The following NR2F6 variants were observed in gnomAD, a reference collection of about 807,000 sequenced individuals.
NR2F6 encodes the protein nuclear receptor subfamily 2 group F member 6.
A neutral mutation model predicts 26.5 loss-of-function variants in NR2F6; 16 were observed. That is an observed-to-expected ratio of 0.60 (90% CI 0.41 to 0.92). NR2F6 has a LOEUF of 0.92. Ranked by LOEUF, NR2F6 falls within the 40% of genes least tolerant of loss-of-function variation. The pLI is 0.00. For missense variants in NR2F6, 536 were observed against 631.7 expected, an observed-to-expected ratio of 0.85 and a Z score of 1.62; for synonymous variants, 325 against 305.0, an observed-to-expected ratio of 1.07 and a Z score of -0.68.
intron 2 of NR2F6, among the ~76,000 whole-genome samples, 190 bp from the exon 3 acceptor site, chr19:17,236,255 G>GGGGAA (rs373228065): frequency 0.29 from 35,952 of 124,206 alleles, 6,415 homozygotes; most frequent in African/African-American, 0.44. Flanking sequence ...CCGGAAGAGG[G>GGGGAA]GGGATGAGGG....
At chr19:17,240,086 C>A (rs1045091050) in intron 2 of NR2F6, among the ~76,000 whole-genome samples, 1 of 152,236 alleles carries the variant, frequency 6.6e-6, no homozygotes, top group Non-Finnish European at 1.5e-5. Context: ...GCCCGTCCAC[C>A]TGGGTCCCCT....
rs920956448 is a variant in NR2F6, at chr19:17,245,623, C to T, written c.-403G>A. ...GGGGGCTGCGGCCAACTCAGCGGGCCGCCATCCGAGCGCGGGAGGCCGGGG... is the reference window on the plus strand; with the variant it reads ...GGGGGCTGCGGCCAACTCAGCGGGCTGCCATCCGAGCGCGGGAGGCCGGGG... On this transcript the variant is annotated 5_prime_UTR_variant, in exon 1 of 4. Transcript: ENST00000291442. The surrounding 1 kb of genome is among the most constrained non-coding windows in gnomAD (Gnocchi z 5.0). 62 of 146,358 alleles carry T rather than the reference C, an allele frequency of 4.2e-4. No homozygotes were observed. Among genetic ancestry groups the T allele is most frequent in the African/African-American group, 1.4e-3 (56 of 40,846 alleles). The allele number at this position is 146,358 out of a possible 1,614,324, so 9.1% of individuals were successfully genotyped here.
intron 3 of NR2F6, among the ~76,000 whole-genome samples, chr19:17,233,311 CAAACAAAACA>C (rs143909942): frequency 0.023 from 3,370 of 145,160 alleles, 48 homozygotes; most frequent in African/African-American, 0.034. Flanking sequence ...GACCCTGTCT[CAAACAAAACA>C]AAACAAAACA....
Position 17,232,344 on chromosome 19 carries a change from C to T in NR2F6, c.*8G>A, listed in dbSNP as rs377608831. ...GGCCTGGCCACAGCACACGTGGCCCCGTCATGGTCACTGGCCCGAGCCGTA... is the reference window on the plus strand; with the variant it reads ...GGCCTGGCCACAGCACACGTGGCCCTGTCATGGTCACTGGCCCGAGCCGTA... On this transcript the variant is annotated 3_prime_UTR_variant, in exon 4 of 4. Coordinates refer to ENST00000291442, the MANE Select transcript of NR2F6 (RefSeq NM_005234.4). The T allele has an allele frequency of 5.0e-6, 8 of 1,613,594 alleles. No homozygotes were observed. In the Admixed American group the frequency reaches 5.0e-5, roughly 10 times the overall value.
intron 1 of NR2F6, among the ~76,000 whole-genome samples, chr19:17,244,735 T>TG (rs147399062): frequency 0.017 from 2,520 of 151,556 alleles, 21 homozygotes; most frequent in South Asian, 0.031. Context: ...GACCACCTGA[T>TG]GGGGGGGGAA....
At chr19:17,237,072 C>T (rs1277804339) in intron 2 of NR2F6, among the ~76,000 whole-genome samples, 1 of 152,232 alleles carries the variant, frequency 6.6e-6, no homozygotes, top group East Asian at 1.9e-4. Context: ...CCTCCGTGAA[C>T]TCCAGGTCAA....
chr19:17,244,334 C>T (rs2073484632), intron 1 of NR2F6: 1 of 152,696 alleles, frequency 6.5e-6, no homozygotes, highest in South Asian at 2.0e-4. Context: ...AGAGGGGTTC[C>T]CTGAGATGGG....
Position 17,245,441 on chromosome 19 carries a change from G to C in NR2F6, c.-221C>G, listed in dbSNP as rs1172746399. The C allele has an allele frequency of 1.4e-5, 4 of 279,472 alleles. No homozygotes were observed. Among genetic ancestry groups the C allele is most frequent in the Non-Finnish European group, 2.5e-5 (4 of 158,814 alleles). 17.3% of individuals were successfully genotyped at this position (279,472 alleles called of 1,614,324 possible). A position where few individuals can be genotyped will look rare whatever the true frequency, so the allele number is the denominator to read the frequency against. ...AGGCCAACTTTCCCACGCGTGCGCG[G>C]GGCCGGGCCCGGGGCCGGGAGGGGC... is the stretch of plus-strand genomic sequence containing the variant. On this transcript the variant is annotated 5_prime_UTR_variant, in exon 1 of 4. Transcript: ENST00000291442. This position sits in a 1 kb window ranked among gnomAD's most constrained non-coding sequence, Gnocchi z 5.0.
Position 17,233,302 on chromosome 19 carries a change from AC to A in NR2F6, c.941-677del, listed in dbSNP as rs1468435889. On this transcript the variant is annotated intron_variant, in intron 3 of 3. Coordinates refer to ENST00000291442, the MANE Select transcript of NR2F6 (RefSeq NM_005234.4). ...ACAGCCTGGGCGACAGAGTAATAAGACCCTGTCTCAAACAAAACAAAACAAA... is the reference window on the plus strand; with the variant it reads ...ACAGCCTGGGCGACAGAGTAATAAGACCTGTCTCAAACAAAACAAAACAAA... Among the ~76,000 whole-genome samples the A allele has an allele frequency of 2.7e-5, 4 of 147,086 alleles. No individual in the cohort carries two copies. The East Asian group carries it at 8.1e-4, about 30-fold the overall frequency.
Position 17,235,418 on chromosome 19 carries a change from C to A in NR2F6, c.940+81G>T, listed in dbSNP as rs533999820. ...GGAGCGAGCGGGGCGCTATGGGGGC[C>A]GGAGTCTGGGTCCAGGCCGCCCTCC... is the stretch of plus-strand genomic sequence containing the variant. On this transcript the variant is annotated intron_variant, in intron 3 of 3. Coordinates refer to ENST00000291442, the MANE Select transcript of NR2F6 (RefSeq NM_005234.4). The surrounding 1 kb of genome is among the most constrained non-coding windows in gnomAD (Gnocchi z 5.0). 386 of 1,513,774 alleles carry A rather than the reference C, an allele frequency of 2.5e-4. 1 individual carries two copies. The African/African-American group carries it at 4.8e-3, about 19-fold the overall frequency. 93.8% of individuals were successfully genotyped at this position (1,513,774 alleles called of 1,614,324 possible).
chr19:17,244,293 T>C (rs1176287287), intron 1 of NR2F6: 1 of 152,470 alleles, frequency 6.6e-6, no homozygotes, highest in Non-Finnish European at 1.5e-5. Flanking sequence ...CCAGTGGCGA[T>C]TTCCGGTGAC....
intron 2 of NR2F6, among the ~76,000 whole-genome samples, chr19:17,239,838 TAAAG>T (rs1027595683): frequency 3.3e-5 from 5 of 150,188 alleles, no homozygotes; most frequent in Admixed American, 6.6e-5. Context: ...TAAAAATAAA[TAAAG>T]AAAATAAGGA....
intron 3 of NR2F6, among the ~76,000 whole-genome samples, chr19:17,234,293 TCTCA>T (rs998959362): frequency 6.6e-6 from 1 of 151,516 alleles, no homozygotes; most frequent in Admixed American, 6.6e-5. Context: ...TGAGACGCGG[TCTCA>T]CTCTGTTGCG....
intron 2 of NR2F6, among the ~76,000 whole-genome samples, chr19:17,239,135 G>A (rs544652201): frequency 3.4e-4 from 51 of 151,984 alleles, no homozygotes; most frequent in Non-Finnish European, 5.6e-4. Context: ...TCAGGAGATC[G>A]AGACCATCCT....
chr19:17,236,769 T>TG (rs1165213108), intron 2 of NR2F6, among the ~76,000 whole-genome samples: 5 of 149,422 alleles, frequency 3.3e-5, no homozygotes, highest in Non-Finnish European at 5.9e-5. Flanking sequence ...AGGGAAGGGT[T>TG]GGGGGGGACC....
chr19:17,233,905 A>G (rs374002348), intron 3 of NR2F6, among the ~76,000 whole-genome samples: 2 of 152,064 alleles, frequency 1.3e-5, no homozygotes, highest in African/African-American at 4.8e-5. Flanking sequence ...GCCTCTAGAG[A>G]GAGACCCAAG....
chr19:17,236,984 G>T (rs2073442427), intron 2 of NR2F6, among the ~76,000 whole-genome samples: 1 of 152,236 alleles, frequency 6.6e-6, no homozygotes, highest in South Asian at 2.1e-4. Context: ...GGGGTGGGCG[G>T]GATGGCAGGG....
rs371239273 is a variant in NR2F6, at chr19:17,245,005, G to C, written c.216C>G (p.Thr72=). The change falls in exon 1 of 4, where the codon ACC becomes ACG. Residue 72 remains threonine (T), a synonymous_variant. Transcript: ENST00000291442. The surrounding 1 kb of genome is among the most constrained non-coding windows in gnomAD (Gnocchi z 5.0). Reference sequence around the variant, plus strand: ...TGAAAAAGCTCTTGCAGCCCTCGCAGGTGAAGACACCGTAATGCTTGCCGC... The same window carrying C: ...TGAAAAAGCTCTTGCAGCCCTCGCACGTGAAGACACCGTAATGCTTGCCGC... ...KSSGKHYGVF[T]CEGCKSFFKR... 3 of 1,594,412 alleles carry C rather than the reference G, an allele frequency of 1.9e-6. No homozygotes were observed. The highest frequency in any genetic ancestry group is 2.6e-6 in the Non-Finnish European group (3 of 1,171,178).
intron 3 of NR2F6, among the ~76,000 whole-genome samples, chr19:17,234,878 A>T (rs922052215): frequency 6.6e-6 from 1 of 152,112 alleles, no homozygotes; most frequent in Admixed American, 6.6e-5. Flanking sequence ...AAATACAAAT[A>T]AAAAAATAAA....
Sources: allele counts gnomAD v4.1 joint callset (sites outside exome capture counted in the v4.1 genomes callset), GRCh38; gene constraint gnomAD v4.1.1; non-coding constraint Gnocchi (gnomAD v3.1); transcripts MANE v1.5; gene names NCBI Gene and HGNC (gene_info 2026-07-23, HGNC 2026-07-21).